The following STXBP5L variants were observed in gnomAD, a reference collection of about 807,000 sequenced individuals.
STXBP5L encodes syntaxin-binding protein 5-like.
STXBP5L carries 65 observed loss-of-function variants against 144.5 expected under a neutral mutation model. The ratio of observed to expected loss-of-function variants is 0.45; its 90% CI spans 0.37 to 0.55. STXBP5L has a LOEUF of 0.55. Ranked by LOEUF, STXBP5L falls within the 20% of genes least tolerant of loss-of-function variation. STXBP5L has a pLI of 0.00. For missense variants in STXBP5L, 1,298 were observed against 1,405.5 expected (o/e 0.92, Z 1.22); for synonymous variants, 505 against 469.6 (o/e 1.08, Z -0.97).
chr3:121,385,615 G>GTAA (rs1162110669), intron 22 of STXBP5L, among the ~76,000 whole-genome samples: 1 of 152,132 alleles, frequency 6.6e-6, no homozygotes, highest in Non-Finnish European at 1.5e-5. Flanking sequence ...TAACAGAAAT[G>GTAA]TAATTAATAG....
intron 2 of STXBP5L, among the ~76,000 whole-genome samples, chr3:120,953,050 T>C (rs759065642): frequency 1.4e-4 from 21 of 152,022 alleles, no homozygotes; most frequent in Admixed American, 3.9e-4. Context: ...TCCACCTGCC[T>C]TGACCTCCCA....
intron 3 of STXBP5L, among the ~76,000 whole-genome samples, chr3:121,034,204 T>G (rs564878635): frequency 6.6e-6 from 1 of 152,246 alleles, no homozygotes; most frequent in Admixed American, 6.5e-5. Context: ...TACTACATAG[T>G]GGTGAATTCT....
intron 5 of STXBP5L, among the ~76,000 whole-genome samples, chr3:121,113,298 T>G (rs2044080174): frequency 6.6e-6 from 1 of 152,194 alleles, no homozygotes; most frequent in African/African-American, 2.4e-5. Flanking sequence ...GAAAGGATGA[T>G]CTTAGTCCTC....
At chr3:121,051,972 A>G (rs1257113533) in intron 5 of STXBP5L, among the ~76,000 whole-genome samples, 1 of 152,224 alleles carries the variant, frequency 6.6e-6, no homozygotes, top group Non-Finnish European at 1.5e-5. Flanking sequence ...AATAAACTAG[A>G]AAATCTAGAA....
intron 5 of STXBP5L, among the ~76,000 whole-genome samples, chr3:121,079,113 C>T (rs2042149656): frequency 6.6e-6 from 1 of 152,248 alleles, no homozygotes; most frequent in Non-Finnish European, 1.5e-5. Context: ...ACGCTGTCAC[C>T]ACTCAGAGAG....
At chr3:121,161,197 C>T (rs1363615195) in intron 9 of STXBP5L, among the ~76,000 whole-genome samples, 2 of 148,644 alleles carry the variant, frequency 1.3e-5, no homozygotes, top group African/African-American at 4.9e-5. Flanking sequence ...ATTCACATAG[C>T]TTACTTTATC....
At chr3:121,390,696 A>G (rs569451275) in intron 22 of STXBP5L, among the ~76,000 whole-genome samples, 248 of 152,332 alleles carry the variant, frequency 1.6e-3, no homozygotes, top group Middle Eastern at 0.01. Context: ...TTCTTTAAGA[A>G]TGTTGAATAT....
intron 7 of STXBP5L, among the ~76,000 whole-genome samples, chr3:121,125,965 T>C (rs1209395394): frequency 5.3e-5 from 8 of 152,136 alleles, no homozygotes; most frequent in Non-Finnish European, 1.0e-4. Flanking sequence ...TTTTCTCACA[T>C]AAACTTTTGG....
chr3:121,035,253 G>T (rs1298664932), intron 3 of STXBP5L, among the ~76,000 whole-genome samples: 10 of 152,102 alleles, frequency 6.6e-5, no homozygotes, highest in Non-Finnish European at 1.3e-4. Context: ...TGTTGCTTGT[G>T]CTTTTGAGGT....
intron 4 of STXBP5L, among the ~76,000 whole-genome samples, chr3:121,044,822 G>A (rs1560048409): frequency 6.6e-6 from 1 of 152,098 alleles, no homozygotes; most frequent in African/African-American, 2.4e-5. Flanking sequence ...TGGTGGTGCT[G>A]TATAAAAGGA....
chr3:121,349,357 T>G (rs1310233548), intron 20 of STXBP5L, among the ~76,000 whole-genome samples: 1 of 151,990 alleles, frequency 6.6e-6, no homozygotes. Context: ...TTACATTTGC[T>G]GAGGAGTGCT....
chr3:121,369,113 A>G (rs1340279464), intron 20 of STXBP5L, among the ~76,000 whole-genome samples: 1 of 152,232 alleles, frequency 6.6e-6, no homozygotes, highest in Non-Finnish European at 1.5e-5. Flanking sequence ...GAACATGTGC[A>G]CAGCTGCCTG....
At chr3:121,311,636 G>A (rs1213180360) in intron 19 of STXBP5L, among the ~76,000 whole-genome samples, 1 of 152,032 alleles carries the variant, frequency 6.6e-6, no homozygotes, top group Non-Finnish European at 1.5e-5. Flanking sequence ...AACTTACAAG[G>A]GACGTGAAGG....
At chr3:121,006,609 A>C (rs1336301809) in intron 3 of STXBP5L, among the ~76,000 whole-genome samples, 1 of 152,034 alleles carries the variant, frequency 6.6e-6, no homozygotes, top group African/African-American at 2.4e-5. Context: ...TTAGCTGGTT[A>C]TTTTGCTTGT....
intron 9 of STXBP5L, among the ~76,000 whole-genome samples, chr3:121,203,710 C>G (rs1191299): frequency 6.6e-6 from 1 of 151,926 alleles, no homozygotes; most frequent in Non-Finnish European, 1.5e-5. Context: ...CCACTGAAAT[C>G]AATTGATGAC....
intron 18 of STXBP5L, among the ~76,000 whole-genome samples, chr3:121,272,677 A>G (rs958751143): frequency 6.6e-6 from 1 of 152,096 alleles, no homozygotes; most frequent in African/African-American, 2.4e-5. Flanking sequence ...TTTTTAATGG[A>G]TTCTTTGTCC....
chr3:121,272,396 C>G (rs1280731396), intron 18 of STXBP5L, among the ~76,000 whole-genome samples: 1 of 152,106 alleles, frequency 6.6e-6, no homozygotes, highest in Non-Finnish European at 1.5e-5. Flanking sequence ...TGTCTTATGA[C>G]AGTTTTTAAC....
chr3:120,984,419 C>G (rs1942091157), intron 3 of STXBP5L, among the ~76,000 whole-genome samples: 1 of 152,050 alleles, frequency 6.6e-6, no homozygotes, highest in Non-Finnish European at 1.5e-5. Context: ...GCCAGGGCAT[C>G]TACTATTCTG....
At chr3:121,317,022 T>G (rs930862565) in intron 19 of STXBP5L, among the ~76,000 whole-genome samples, 2 of 152,238 alleles carry the variant, frequency 1.3e-5, no homozygotes, top group Non-Finnish European at 2.9e-5. Flanking sequence ...CACTTACTGC[T>G]TATTTAGTCA....
Sources: allele counts gnomAD v4.1 joint callset (sites outside exome capture counted in the v4.1 genomes callset), GRCh38; gene constraint gnomAD v4.1.1; transcripts MANE v1.5; gene names NCBI Gene and HGNC (gene_info 2026-07-23, HGNC 2026-07-21).